Variants in CTNNA3 observed in about 807,000 individuals in gnomAD.
The protein encoded by CTNNA3 is catenin alpha 3.
A neutral mutation model predicts 95.7 loss-of-function variants in CTNNA3; 76 were observed. That is an observed-to-expected ratio of 0.79 (90% CI 0.66 to 0.96). The LOEUF is 0.96. Ranked by LOEUF, CTNNA3 falls within the 40% of genes least tolerant of loss-of-function variation. The pLI is 0.00. For missense variants in CTNNA3, 1,191 were observed against 1,089.8 expected (o/e 1.09, Z -1.31); for synonymous variants, 431 against 374.4 (o/e 1.15, Z -1.74).
chr10:66,381,804 GTCATGGT>G (rs2092841096), intron 11 of CTNNA3, among the ~76,000 whole-genome samples: 2 of 152,120 alleles, frequency 1.3e-5, no homozygotes, highest in East Asian at 1.9e-4. Flanking sequence ...AGTAAATACA[GTCATGGT>G]CCAATCTCAA....
At position 66,811,514 on chromosome 10, in the gene CTNNA3, C is replaced by T. The variant is rs559899852; in HGVS notation, c.1048-35990G>A. Among the ~76,000 whole-genome samples the T allele has an allele frequency of 7.9e-5, 12 of 152,210 alleles. No individual in the cohort carries two copies. The South Asian group carries it at 2.3e-3, about 29-fold the overall frequency. On this transcript the variant is annotated intron_variant, in intron 7 of 17. Transcript: ENST00000433211. ...TTCTTTAGCTTCCCCTAGTGGGTTTCGAAATGGAGTAAAGGTAGTTTGAAC... is the reference window on the plus strand; with the variant it reads ...TTCTTTAGCTTCCCCTAGTGGGTTTTGAAATGGAGTAAAGGTAGTTTGAAC...
intron 5 of CTNNA3, among the ~76,000 whole-genome samples, chr10:67,235,200 C>G (rs1451416787): frequency 2.0e-5 from 3 of 151,964 alleles, no homozygotes; most frequent in Admixed American, 2.0e-4. Flanking sequence ...GAGCCCGCAT[C>G]GCCAAGGCAA....
intron 9 of CTNNA3, among the ~76,000 whole-genome samples, chr10:66,688,622 T>C (rs149646500): frequency 2.0e-4 from 30 of 152,274 alleles, no homozygotes; most frequent in African/African-American, 7.2e-4. Context: ...AGAAGATTTT[T>C]TGTTCATTTA....
intron 1 of CTNNA3, among the ~76,000 whole-genome samples, chr10:67,742,000 C>A (rs1015911950): frequency 6.6e-6 from 1 of 151,194 alleles, no homozygotes; most frequent in African/African-American, 2.4e-5. Flanking sequence ...CACCCAGATT[C>A]ATAAAGCAAG....
intron 2 of CTNNA3, among the ~76,000 whole-genome samples, chr10:67,635,992 C>CA (rs1456965136): frequency 2.0e-5 from 3 of 152,064 alleles, no homozygotes; most frequent in Non-Finnish European, 4.4e-5. Flanking sequence ...AATCACCGTG[C>CA]AAAAATTGCT....
At chr10:66,061,158 T>C (rs770597612) in intron 15 of CTNNA3, among the ~76,000 whole-genome samples, 1 of 152,062 alleles carries the variant, frequency 6.6e-6, no homozygotes, top group Non-Finnish European at 1.5e-5. Context: ...TGTTTTCAAA[T>C]CATAAAGCCT....
At chr10:67,638,052 A>G (rs868718618) in intron 2 of CTNNA3, among the ~76,000 whole-genome samples, 1 of 152,226 alleles carries the variant, frequency 6.6e-6, no homozygotes, top group Non-Finnish European at 1.5e-5. Flanking sequence ...CACTCCAATT[A>G]AAAGACACAG....
chr10:67,446,793 A>G (rs1429436864), intron 5 of CTNNA3, among the ~76,000 whole-genome samples: 1 of 152,070 alleles, frequency 6.6e-6, no homozygotes, highest in Non-Finnish European at 1.5e-5. Flanking sequence ...TTAGGTAGGC[A>G]CTTTGTTCCA....
intron 13 of CTNNA3, among the ~76,000 whole-genome samples, chr10:66,219,277 G>A (rs1191930756): frequency 2.6e-5 from 4 of 152,130 alleles, no homozygotes; most frequent in Non-Finnish European, 4.4e-5. Context: ...CAGTGTGGGA[G>A]GGATATGAAT....
intron 1 of CTNNA3, among the ~76,000 whole-genome samples, chr10:67,709,304 A>C (rs190964003): frequency 6.6e-6 from 1 of 152,338 alleles, no homozygotes; most frequent in African/African-American, 2.4e-5. Flanking sequence ...GCGCCAAAAA[A>C]TACTACGTGT....
chr10:66,750,555 T>G (rs1258660983), intron 9 of CTNNA3, among the ~76,000 whole-genome samples: 1 of 152,210 alleles, frequency 6.6e-6, no homozygotes, highest in Non-Finnish European at 1.5e-5. Context: ...TGCTCTCTAT[T>G]CTATACTATT....
chr10:66,724,336 T>C (rs1191432542), intron 9 of CTNNA3, among the ~76,000 whole-genome samples: 5 of 152,180 alleles, frequency 3.3e-5, no homozygotes, highest in East Asian at 1.9e-4. Flanking sequence ...GAAGTTCCCA[T>C]TGCAGTTAAC....
At chr10:67,668,832 CTTTTTTTTTT>C (rs869150567) in intron 1 of CTNNA3, among the ~76,000 whole-genome samples, 4 of 90,108 alleles carry the variant, frequency 4.4e-5, no homozygotes, top group South Asian at 4.0e-4. Context: ...TACTGTGTTT[CTTTTTTTTTT>C]TTTTTTTTTT....
chr10:66,237,102 C>G (rs1394787961), intron 13 of CTNNA3, among the ~76,000 whole-genome samples: 1 of 152,024 alleles, frequency 6.6e-6, no homozygotes, highest in African/African-American at 2.4e-5. Flanking sequence ...TGCAACAGAG[C>G]AAGGTCATGT....
At chr10:66,398,923 A>C (rs1364376855) in intron 11 of CTNNA3, among the ~76,000 whole-genome samples, 1 of 152,036 alleles carries the variant, frequency 6.6e-6, no homozygotes, top group Admixed American at 6.6e-5. Context: ...GCATCTCTGC[A>C]TGAAAAACAG....
intron 5 of CTNNA3, among the ~76,000 whole-genome samples, chr10:67,282,443 T>A (rs1464504863): frequency 1.3e-5 from 2 of 152,172 alleles, no homozygotes; most frequent in African/African-American, 4.8e-5. Flanking sequence ...GAAGTAATAT[T>A]TATCCAAGCA....
intron 7 of CTNNA3, among the ~76,000 whole-genome samples, chr10:67,110,692 A>T (rs1858873710): frequency 6.6e-6 from 1 of 152,188 alleles, no homozygotes; most frequent in Non-Finnish European, 1.5e-5. Flanking sequence ...TGCATAATTA[A>T]ACATTTTAGG....
chr10:66,579,391 A>C (rs1363179279), intron 10 of CTNNA3, among the ~76,000 whole-genome samples: 1 of 151,830 alleles, frequency 6.6e-6, no homozygotes, highest in African/African-American at 2.4e-5. Flanking sequence ...AATGGATTAT[A>C]AATGCAAACT....
At chr10:66,090,661 C>T (rs913579261) in intron 14 of CTNNA3, among the ~76,000 whole-genome samples, 4 of 151,882 alleles carry the variant, frequency 2.6e-5, no homozygotes, top group African/African-American at 9.7e-5. Flanking sequence ...AACGAAGAGA[C>T]ATGTTTGGAG....
Sources: allele counts gnomAD v4.1 joint callset (sites outside exome capture counted in the v4.1 genomes callset), GRCh38; gene constraint gnomAD v4.1.1; transcripts MANE v1.5; gene names NCBI Gene and HGNC (gene_info 2026-07-23, HGNC 2026-07-21).